MMS22L: variants seen among roughly 807,000 people sequenced by gnomAD.
MMS22L encodes the protein protein MMS22-like.
A neutral mutation model predicts 159.1 loss-of-function variants in MMS22L; 74 were observed. That is an observed-to-expected ratio of 0.47 (90% CI 0.39 to 0.56). The LOEUF is 0.56. Ranked by LOEUF, MMS22L falls within the 20% of genes least tolerant of loss-of-function variation. MMS22L has a pLI of 0.00. For missense variants in MMS22L, 1,351 were observed against 1,422.1 expected, an observed-to-expected ratio of 0.95 and a Z score of 0.80; for synonymous variants, 517 against 506.9, an observed-to-expected ratio of 1.02 and a Z score of -0.27.
At chr6:97,233,627 T>C (rs1461035797) in intron 12 of MMS22L, among the ~76,000 whole-genome samples, 1 of 152,156 alleles carries the variant, frequency 6.6e-6, no homozygotes, top group Non-Finnish European at 1.5e-5. Context: ...ACATTTTAGC[T>C]ACTTTGTTTA....
chr6:97,267,804 T>G lies in MMS22L; in HGVS notation c.828+68A>C, dbSNP rs1815296290. On this transcript the variant is annotated intron_variant, in intron 8 of 24. Transcript: ENST00000683635. ...CATTTTAGTTTAAATTCTTACAGATTAAACGACATGCATTAAGGACTGAAT... is the reference window on the plus strand; with the variant it reads ...CATTTTAGTTTAAATTCTTACAGATGAAACGACATGCATTAAGGACTGAAT... 6 of 1,328,014 alleles carry G rather than the reference T, an allele frequency of 4.5e-6. No individual in the cohort carries two copies. In the South Asian group the frequency reaches 1.1e-4, roughly 25 times the overall value. 82.3% of individuals were successfully genotyped at this position (1,328,014 alleles called of 1,614,324 possible). A position where few individuals can be genotyped will look rare whatever the true frequency, so the allele number is the denominator to read the frequency against.
At chr6:97,226,454 C>T (rs1230382878) in intron 14 of MMS22L, among the ~76,000 whole-genome samples, 3 of 151,914 alleles carry the variant, frequency 2.0e-5, no homozygotes, top group East Asian at 3.9e-4. Flanking sequence ...ATTAGCTGTG[C>T]GTGGTAGTGT....
chr6:97,192,746 T>A (rs572075682), intron 14 of MMS22L, among the ~76,000 whole-genome samples: 4 of 152,320 alleles, frequency 2.6e-5, no homozygotes, highest in Non-Finnish European at 5.9e-5. Context: ...GAGTAACTAT[T>A]AGGGTTGGCC....
chr6:97,243,274 A>T (rs543744563), intron 11 of MMS22L, among the ~76,000 whole-genome samples: 12 of 152,114 alleles, frequency 7.9e-5, no homozygotes, highest in African/African-American at 2.2e-4. Flanking sequence ...TCATTTTTTT[A>T]AAAAATTCTT....
chr6:97,246,721 T>A, intron 10 of MMS22L, 31 bp from the exon 11 acceptor site: 1 of 1,498,626 alleles, frequency 6.7e-7, no homozygotes, highest in East Asian at 2.3e-5. Flanking sequence ...GCATCAAAAT[T>A]ATTGCTCTTG....
Position 97,165,376 on chromosome 6 carries a change from T to C in MMS22L, c.3091A>G (p.Ile1031Val), listed in dbSNP as rs887183577. The change falls in exon 21 of 25, where the codon ATT (isoleucine) becomes GTT (valine). Residue 1031 changes from isoleucine to valine, a missense_variant. Transcript: ENST00000683635. ...QLLGNVIEQY[I>V]GRFLPASPYV... ...GGTGAAGCTGGAAGAAATCGCCCAATATACTGCTCAATAACATTCCCTAGC... is the reference window on the plus strand; with the variant it reads ...GGTGAAGCTGGAAGAAATCGCCCAACATACTGCTCAATAACATTCCCTAGC... 3 of 1,613,264 alleles carry C rather than the reference T, an allele frequency of 1.9e-6. No individual in the cohort carries two copies. The highest frequency in any genetic ancestry group is 2.5e-6 in the Non-Finnish European group (3 of 1,179,634).
At chr6:97,150,726 T>C (rs1179830359) in intron 23 of MMS22L, among the ~76,000 whole-genome samples, 1 of 152,114 alleles carries the variant, frequency 6.6e-6, no homozygotes, top group Non-Finnish European at 1.5e-5. Context: ...TGACAGGCAC[T>C]AATTATGTGA....
intron 19 of MMS22L, among the ~76,000 whole-genome samples, chr6:97,170,805 A>C (rs1803465142): frequency 6.6e-6 from 1 of 152,150 alleles, no homozygotes; most frequent in Non-Finnish European, 1.5e-5. Context: ...CCAGGAGTTC[A>C]AGACCAGCTT....
intron 10 of MMS22L, among the ~76,000 whole-genome samples, chr6:97,247,712 C>T (rs867748822): frequency 1.3e-4 from 20 of 151,584 alleles, no homozygotes; most frequent in South Asian, 6.2e-4. Flanking sequence ...AACAAGACTT[C>T]GTCTCAGAAA....
rs148939325 is a variant in MMS22L, at chr6:97,211,150, C to G, written c.2039+17744G>C. On this transcript the variant is annotated intron_variant, in intron 14 of 24. Coordinates refer to ENST00000683635, the MANE Select transcript of MMS22L (RefSeq NM_001350599.2). ...TTACATTGGAATTCCTCTTAGGAAA[C>G]CACAATTAAAAAACTGTTAGCTGTT... Among the ~76,000 whole-genome samples, 10 of 151,960 alleles carry G rather than the reference C, an allele frequency of 6.6e-5. No homozygotes were observed. The East Asian group carries it at 1.9e-3, about 29-fold the overall frequency.
At chr6:97,253,626 A>T (rs2128055608) in intron 10 of MMS22L, 1 of 152,164 alleles carries the variant, frequency 6.6e-6, no homozygotes, top group African/African-American at 2.4e-5. Context: ...TGCCCTGCTA[A>T]TTTCTGTATT....
intron 20 of MMS22L, among the ~76,000 whole-genome samples, chr6:97,166,218 C>G (rs1242659494): frequency 6.6e-6 from 1 of 151,830 alleles, no homozygotes; most frequent in Admixed American, 6.6e-5. Context: ...ATACTTAAAC[C>G]AATACTCTGA....
chr6:97,225,377 T>A (rs1810115318), intron 14 of MMS22L, among the ~76,000 whole-genome samples: 2 of 152,028 alleles, frequency 1.3e-5, no homozygotes, highest in African/African-American at 4.8e-5. Context: ...TCTTACCTTT[T>A]TTTTTTTCTT....
chr6:97,178,773 T>A (rs1804383872), intron 17 of MMS22L, among the ~76,000 whole-genome samples, 188 bp from the exon 18 acceptor site: 1 of 152,092 alleles, frequency 6.6e-6, no homozygotes, highest in Admixed American at 6.6e-5. Context: ...CTTATGAACA[T>A]CCTTGCCCCA....
At chr6:97,275,054 G>A (rs1483391986) in intron 4 of MMS22L, among the ~76,000 whole-genome samples, 1 of 152,110 alleles carries the variant, frequency 6.6e-6, no homozygotes, top group Non-Finnish European at 1.5e-5. Context: ...CTACACAATA[G>A]CGACCCATAA....
At chr6:97,271,226 A>AT (rs1054715124) in intron 6 of MMS22L, 74 of 152,012 alleles carry the variant, frequency 4.9e-4, no homozygotes, top group African/African-American at 1.6e-3. Context: ...TTAGTGTGTG[A>AT]TTTTTTATTT....
At chr6:97,179,650 G>A (rs1804500483) in intron 16 of MMS22L, 91 bp from the exon 17 acceptor site, 2 of 1,114,662 alleles carry the variant, frequency 1.8e-6, no homozygotes, top group African/African-American at 1.6e-5. Flanking sequence ...TAACATCCCT[G>A]CAACTCCTTG....
At chr6:97,152,957 T>A (rs1033670131) in intron 22 of MMS22L, among the ~76,000 whole-genome samples, 23 of 151,890 alleles carry the variant, frequency 1.5e-4, no homozygotes, top group Admixed American at 2.0e-4. Context: ...CACCTCAGCC[T>A]CTCAAGTAGC....
At chr6:97,152,521 T>G (rs1169786479) in intron 22 of MMS22L, among the ~76,000 whole-genome samples, 1 of 152,130 alleles carries the variant, frequency 6.6e-6, no homozygotes, top group African/African-American at 2.4e-5. Flanking sequence ...TGCTACTAAA[T>G]TCTTATGTTG....
Sources: gnomAD v4.1 joint callset for allele counts (sites outside exome capture counted in the v4.1 genomes callset) on GRCh38, gnomAD v4.1.1 for gene constraint, MANE v1.5 for transcripts, NCBI Gene and HGNC (gene_info 2026-07-23, HGNC 2026-07-21) for gene names.